The following NEMP1 variants were observed in gnomAD, a reference collection of about 807,000 sequenced individuals.
NEMP1 encodes the protein nuclear envelope integral membrane protein 1.
In NEMP1, 29 loss-of-function variants were observed where a neutral mutation model predicts 53.7. That is an observed-to-expected ratio of 0.54 (90% CI 0.40 to 0.74). The LOEUF is 0.74. NEMP1 is among the 30% of genes least tolerant of loss of function. The pLI, the probability that NEMP1 is intolerant of heterozygous loss-of-function variation, is 0.00. For missense variants in NEMP1, 477 were observed against 528.6 expected, an observed-to-expected ratio of 0.90 and a Z score of 0.96; for synonymous variants, 193 against 192.9, an observed-to-expected ratio of 1.00 and a Z score of 0.00.
At chr12:57,072,147 AAAG>A (rs1459878865) in intron 2 of NEMP1, among the ~76,000 whole-genome samples, 1 of 152,154 alleles carries the variant, frequency 6.6e-6, no homozygotes, top group East Asian at 1.9e-4. Context: ...CTTTAAAAAG[AAAG>A]AAGGGGGCTG....
chr12:57,081,282 T>C (rs1789587635), upstream of NEMP1, among the ~76,000 whole-genome samples: 1 of 152,150 alleles, frequency 6.6e-6, no homozygotes, highest in Non-Finnish European at 1.5e-5. Flanking sequence ...TCACTCTTGT[T>C]GAGCAGGCTG....
chr12:57,074,632 T>A (rs1191573418), intron 1 of NEMP1, among the ~76,000 whole-genome samples: 3 of 152,214 alleles, frequency 2.0e-5, no homozygotes, highest in African/African-American at 7.2e-5. Context: ...ATAGTACTTT[T>A]GGAGGATACT....
upstream of NEMP1, among the ~76,000 whole-genome samples, chr12:57,082,396 T>A (rs554850284): frequency 6.6e-6 from 1 of 152,210 alleles, no homozygotes; most frequent in South Asian, 2.1e-4. Flanking sequence ...ATCTTTTCAA[T>A]TTTTCTGTAC....
At chr12:57,082,440 T>G (rs2032874027), upstream of NEMP1, among the ~76,000 whole-genome samples, 1 of 152,056 alleles carries the variant, frequency 6.6e-6, no homozygotes, top group African/African-American at 2.4e-5. Flanking sequence ...TTGGCTAGCC[T>G]CAGTGGTTCA....
intron 4 of NEMP1, among the ~76,000 whole-genome samples, chr12:57,068,693 G>A (rs1437802112): frequency 6.7e-6 from 1 of 150,342 alleles, no homozygotes; most frequent in Non-Finnish European, 1.5e-5. Context: ...AGCCTCACAA[G>A]TAGCTGGGAC....
intron 4 of NEMP1, among the ~76,000 whole-genome samples, chr12:57,065,521 C>CTT (rs548466246): frequency 8.2e-5 from 11 of 134,966 alleles, no homozygotes; most frequent in South Asian, 4.8e-4. Context: ...CTTGGTTCAT[C>CTT]TTTTTTTTTT....
intron 8 of NEMP1, 89 bp from the exon 9 acceptor site, chr12:57,060,148 A>G: frequency 8.2e-7 from 1 of 1,217,302 alleles, no homozygotes; most frequent in South Asian, 1.4e-5. Flanking sequence ...AGCCCTCGAT[A>G]TGCTCGCAAC....
At position 57,056,859 on chromosome 12, in the gene NEMP1, T is replaced by C. The variant is rs1206113551; in HGVS notation, c.*3020A>G. On this transcript the variant is annotated 3_prime_UTR_variant, in exon 9 of 9. Coordinates refer to ENST00000300128, the MANE Select transcript of NEMP1 (RefSeq NM_001130963.2). The stretch of plus-strand genomic sequence containing the variant: ...GTCAAGAGACGGCTGGGCCCTAGAA[T>C]GGAATCTATTAGCATAAAATGGAAC... The C allele has an allele frequency of 6.6e-6, 1 of 152,196 alleles. No homozygotes were observed. Among genetic ancestry groups the C allele is most frequent in the Admixed American group, 6.5e-5 (1 of 15,280 alleles). The allele number at this position is 152,196 out of a possible 1,614,324, so 9.4% of individuals were successfully genotyped here.
chr12:57,068,534 G>A (rs1479738297), intron 4 of NEMP1, among the ~76,000 whole-genome samples: 2 of 151,846 alleles, frequency 1.3e-5, no homozygotes, highest in African/African-American at 4.8e-5. Flanking sequence ...TATAGACAGG[G>A]TTTTGCCATG....
At chr12:57,080,238 T>C (rs1399838233), upstream of NEMP1, among the ~76,000 whole-genome samples, 2 of 152,148 alleles carry the variant, frequency 1.3e-5, no homozygotes, top group African/African-American at 4.8e-5. Context: ...ATTACTGAAA[T>C]TACAGGAGTA....
intron 3 of NEMP1, among the ~76,000 whole-genome samples, chr12:57,069,995 G>T (rs563612011): frequency 6.6e-6 from 1 of 152,098 alleles, no homozygotes; most frequent in East Asian, 1.9e-4. Flanking sequence ...ACAAATGGAA[G>T]GGCACAACCT....
intron 1 of NEMP1, among the ~76,000 whole-genome samples, chr12:57,085,670 A>T (rs1343329490): frequency 6.6e-6 from 1 of 152,242 alleles, no homozygotes; most frequent in East Asian, 1.9e-4. Flanking sequence ...TCATTACTTT[A>T]TACTTTTCTA....
chr12:57,059,668 A>C lies in NEMP1; in HGVS notation c.*211T>G. ...TTAACCAATGGGAAGTGAACTACCC[A>C]GCATTCACTACTTTATCCACTCTCC... On this transcript the variant is annotated 3_prime_UTR_variant, in exon 9 of 9. Transcript: ENST00000300128. 1 of 484,432 alleles carries C rather than the reference A, an allele frequency of 2.1e-6. No individual in the cohort carries two copies. The highest frequency in any genetic ancestry group is 3.7e-6 in the Non-Finnish European group (1 of 271,696). The allele number at this position is 484,432 out of a possible 1,614,324, so 30.0% of individuals were successfully genotyped here.
At chr12:57,075,291 G>C (rs2032551755) in intron 1 of NEMP1, among the ~76,000 whole-genome samples, 1 of 150,656 alleles carries the variant, frequency 6.6e-6, no homozygotes, top group African/African-American at 2.4e-5. Context: ...GGGAGGCTGA[G>C]GCAGGAGAAT....
At chr12:57,074,898 G>T (rs1020734751) in intron 1 of NEMP1, among the ~76,000 whole-genome samples, 7 of 151,522 alleles carry the variant, frequency 4.6e-5, no homozygotes, top group African/African-American at 1.7e-4. Flanking sequence ...AACCAGCCTG[G>T]CCAACATGGT....
intron 1 of NEMP1, among the ~76,000 whole-genome samples, chr12:57,076,091 A>AAAAT (rs773039997): frequency 7.9e-5 from 12 of 152,262 alleles, no homozygotes; most frequent in South Asian, 4.1e-4. Context: ...CCATCTCAAA[A>AAAAT]AAATAAATAA....
intron 7 of NEMP1, among the ~76,000 whole-genome samples, chr12:57,061,707 A>AC (rs1206726701): frequency 2.2e-5 from 3 of 139,156 alleles, no homozygotes; most frequent in African/African-American, 8.1e-5. Flanking sequence ...AAAAAAAAAA[A>AC]ACAAAAAAAA....
Position 57,070,871 on chromosome 12 carries a change from A to C in NEMP1, c.275T>G (p.Leu92Trp), listed in dbSNP as rs1326532320. 1.2e-6 allele frequency: 2 copies of C among 1,614,010 alleles called. No homozygotes were observed. The highest frequency in any genetic ancestry group is 1.3e-5 in the African/African-American group (1 of 75,046). ...RIQIRVNSSR[L>W]VRVTQVENEE... ...ATTCTCCACCTGGGTGACTCGAACC[A>C]ATCTGGAACTATTTACTCGGATCTG... Residue 92 changes from leucine to tryptophan, a missense_variant, in exon 3 of 9, where the codon TTG becomes TGG. Transcript: ENST00000300128.
chr12:57,064,955 T>C (rs145798377), intron 4 of NEMP1, among the ~76,000 whole-genome samples: 321 of 152,316 alleles, frequency 2.1e-3, no homozygotes, highest in African/African-American at 7.2e-3. Flanking sequence ...GGTTTCCCAC[T>C]GCATATAAAA....
Sources: gnomAD v4.1 joint callset for allele counts (sites outside exome capture counted in the v4.1 genomes callset) on GRCh38, gnomAD v4.1.1 for gene constraint, MANE v1.5 for transcripts, NCBI Gene and HGNC (gene_info 2026-07-23, HGNC 2026-07-21) for gene names.